Variants in GPR143 observed in about 807,000 individuals in gnomAD.
GPR143 encodes the protein G protein-coupled receptor 143.
A neutral mutation model predicts 27.6 loss-of-function variants in GPR143; 8 were observed. The observed-to-expected ratio is 0.29, with a 90% CI of 0.17 to 0.52. The LOEUF (loss-of-function observed/expected upper bound fraction) is 0.52, where lower values mean the gene tolerates loss of function less well. Among genes scored for constraint, GPR143 ranks in the 20% least tolerant of loss-of-function variants. The pLI, the probability that GPR143 is intolerant of heterozygous loss-of-function variation, is 0.96. For missense variants in GPR143, 303 were observed against 343.1 expected (o/e 0.88, Z 0.92); for synonymous variants, 156 against 153.2 (o/e 1.02, Z -0.13).
intron 8 of GPR143, 50 bp downstream of exon 8, chrX:9,739,435 G>A (rs1174177406): frequency 3.3e-6 from 3 of 897,937 alleles, no homozygotes; most frequent in Non-Finnish European, 4.8e-6. Flanking sequence ...GCTTTCCAAG[G>A]GGAGCCCTGG....
rs12560076 is a variant in GPR143, at chrX:9,760,961, G to A, written c.251-135C>T. On this transcript the variant is annotated intron_variant, in intron 1 of 8. Coordinates refer to ENST00000467482, the MANE Select transcript of GPR143 (RefSeq NM_000273.3). ...AAGGAAGAAGGAAGGAAGGAAAGGA[G>A]GGAGGGAGAGAGGGAGGGAAAAAGA... The A allele has an allele frequency of 0.35, 156,473 of 449,426 alleles. 19,787 individuals are homozygous for A. The highest frequency in any genetic ancestry group is 0.39 in the South Asian group (10,847 of 27,954). The allele number at this position is 449,426 out of a possible 1,213,427, so 37.0% of individuals were successfully genotyped here.
chrX:9,763,411 G>A (rs934523688), intron 1 of GPR143, among the ~76,000 whole-genome samples: 1 of 111,534 alleles, frequency 9.0e-6, no homozygotes. Flanking sequence ...CTAGAAGTTC[G>A]AGGCTGCAGT....
rs188401524 is a variant in GPR143, at chrX:9,756,734, G to A, written c.455+2598C>T. Reference sequence around the variant, plus strand: ...CTAAAATTAAAACAGATAATAACAAGTATTGACAAGGATGTGGATAAACTG... The same window carrying A: ...CTAAAATTAAAACAGATAATAACAAATATTGACAAGGATGTGGATAAACTG... On this transcript the variant is annotated intron_variant, in intron 3 of 8. Coordinates refer to ENST00000467482, the MANE Select transcript of GPR143 (RefSeq NM_000273.3). Among the ~76,000 whole-genome samples the A allele has an allele frequency of 7.5e-3, 848 of 112,359 alleles. 3 individuals are homozygous for A. The highest frequency in any genetic ancestry group is 0.011 in the Non-Finnish European group (610 of 53,254).
rs1483226717 is a variant in GPR143 at position 9,739,579 on chromosome X, T to C, written c.1026A>G (p.Pro342=). 2 of 1,208,266 alleles carry C rather than the reference T, an allele frequency of 1.7e-6. No individual in the cohort carries two copies. Among genetic ancestry groups the C allele is most frequent in the African/African-American group, 3.5e-5 (2 of 57,299 alleles). ...GGTTTTCATGGGGCATCAGTGGGGA[T>C]GGGTGAGCCCCCTCAGCAGCCGAGG... The part of the protein sequence containing the change: ...LTTSAAEGAH[P]SPLMPHENPA... Residue 342 remains proline, a synonymous_variant, in exon 8 of 9, where the codon CCA becomes CCG. Coordinates refer to ENST00000467482, the MANE Select transcript of GPR143 (RefSeq NM_000273.3).
At chrX:9,749,677 G>A (rs977322399) in intron 3 of GPR143, among the ~76,000 whole-genome samples, 1 of 112,272 alleles carries the variant, frequency 8.9e-6, no homozygotes, top group African/African-American at 3.2e-5. Context: ...TGCCCAAGCT[G>A]GTCTTGAACT....
Position 9,765,699 on chromosome X carries a change from C to A in GPR143, c.119G>T (p.Arg40Leu). Residue 40 changes from arginine (R) to leucine (L), a missense_variant, in exon 1 of 9, where the codon CGC becomes CTC. Coordinates refer to ENST00000467482, the MANE Select transcript of GPR143 (RefSeq NM_000273.3). ...HALCLGSGGL[R>L]LALGLLQLLP... is the part of the protein sequence containing the mutation. ...CAGCTGCAGAAGGCCCAGCGCCAAG[C>A]GGAGCCCGCCGCTGCCCAGGCAGAG... The A allele has an allele frequency of 9.0e-7, 1 of 1,107,173 alleles. No individual in the cohort carries two copies. The highest frequency in any genetic ancestry group is 1.2e-6 in the Non-Finnish European group (1 of 848,803). The allele number at this position is 1,107,173 out of a possible 1,213,427, so 91.2% of individuals were successfully genotyped here.
intron 3 of GPR143, among the ~76,000 whole-genome samples, chrX:9,756,646 C>G (rs2083475148): frequency 1.8e-5 from 2 of 112,469 alleles, no homozygotes; most frequent in South Asian, 7.3e-4. Flanking sequence ...AGATGCTTAG[C>G]ATCATTACTC....
chrX:9,759,274 C>A, intron 3 of GPR143, 58 bp downstream of exon 3: 1 of 739,891 alleles, frequency 1.4e-6, no homozygotes, highest in Non-Finnish European at 2.1e-6. Flanking sequence ...TCAGTGCCAT[C>A]TCTTATCTTC....
chrX:9,739,074 C>T (rs768397244), intron 8 of GPR143, among the ~76,000 whole-genome samples: 1 of 112,614 alleles, frequency 8.9e-6, no homozygotes, highest in East Asian at 2.8e-4. Context: ...TAAGCCATTT[C>T]CAAACATCTT....
chrX:9,774,701 T>C (rs1175535757), intron 1 of GPR143, among the ~76,000 whole-genome samples: 4 of 112,488 alleles, frequency 3.6e-5, no homozygotes, highest in Non-Finnish European at 5.6e-5. Context: ...TGGTTTGACC[T>C]TGTGGAATGG....
At chrX:9,753,641 T>TGG (rs2083461448) in intron 3 of GPR143, among the ~76,000 whole-genome samples, 1 of 111,172 alleles carries the variant, frequency 9.0e-6, no homozygotes, top group Non-Finnish European at 1.9e-5. Context: ...GACATGAACG[T>TGG]GGGGTTCCTT....
upstream of GPR143, among the ~76,000 whole-genome samples, chrX:9,766,903 T>TCACA (rs58553907): frequency 0.022 from 1,893 of 86,863 alleles, 16 homozygotes; most frequent in South Asian, 0.045. Context: ...TCTCTCTCTC[T>TCACA]CACACACACA....
At chrX:9,773,122 G>T (rs1001308673) in intron 1 of GPR143, among the ~76,000 whole-genome samples, 5 of 111,631 alleles carry the variant, frequency 4.5e-5, no homozygotes, top group Non-Finnish European at 7.5e-5. Context: ...TTCACATCGC[G>T]TGCTTTTTCT....
intron 1 of GPR143, among the ~76,000 whole-genome samples, chrX:9,774,965 G>A (rs2083566633): frequency 9.0e-6 from 1 of 111,189 alleles, no homozygotes; most frequent in Non-Finnish European, 1.9e-5. Flanking sequence ...CCGGGCTCAA[G>A]CGATACTCCC....
intron 1 of GPR143, among the ~76,000 whole-genome samples, chrX:9,764,065 G>A (rs1408532484): frequency 8.9e-6 from 1 of 112,107 alleles, no homozygotes; most frequent in Admixed American, 9.5e-5. Flanking sequence ...ACTTTACGAT[G>A]CCAAGGGTGG....
intron 7 of GPR143, chrX:9,740,881 GCT>G: frequency 2.1e-5 from 6 of 291,009 alleles, no homozygotes; most frequent in Non-Finnish European, 3.6e-5. Context: ...CAAGATCCAT[GCT>G]CTGATATTGT....
At chrX:9,741,227 G>A (rs1226680683) in intron 7 of GPR143, 111 bp downstream of exon 7, 2 of 448,012 alleles carry the variant, frequency 4.5e-6, no homozygotes, top group Non-Finnish European at 7.9e-6. Flanking sequence ...AGGCTGCAGT[G>A]AGCTATGATC....
chrX:9,752,600 G>A (rs1447200535), intron 3 of GPR143, among the ~76,000 whole-genome samples: 1 of 111,971 alleles, frequency 8.9e-6, no homozygotes, highest in African/African-American at 3.2e-5. Flanking sequence ...ACTATCAGCT[G>A]CAGAGAACCA....
chrX:9,754,003 T>TGAAGATGGAAGCTC lies in GPR143; in HGVS notation c.455+5315_455+5328dup, dbSNP rs760755549. On this transcript the variant is annotated intron_variant, in intron 3 of 8. Transcript: ENST00000467482. ...AGCCTTCCAGATGCCGCAGGAAGAC[T>TGAAGATGGAAGCTC]GAAGATGGAAGCTCTGCAGAGCTGA... Among the ~76,000 whole-genome samples the TGAAGATGGAAGCTC allele has an allele frequency of 3.6e-5, 4 of 111,653 alleles. No homozygotes were observed. In the South Asian group the frequency reaches 1.5e-3, roughly 42 times the overall value.
Sources: allele counts gnomAD v4.1 joint callset (sites outside exome capture counted in the v4.1 genomes callset), GRCh38; gene constraint gnomAD v4.1.1; transcripts MANE v1.5; gene names NCBI Gene and HGNC (gene_info 2026-07-23, HGNC 2026-07-21).